Variants in TSC22D3 observed in about 807,000 individuals in gnomAD.
TSC22D3 encodes the protein TSC22 domain family member 3.
A neutral mutation model predicts 11.1 loss-of-function variants in TSC22D3; 4 were observed. The ratio of observed to expected loss-of-function variants is 0.36; its 90% CI spans 0.18 to 0.83. TSC22D3 has a LOEUF of 0.83. TSC22D3 is among the 40% of genes least tolerant of loss of function. The pLI, the probability that TSC22D3 is intolerant of heterozygous loss-of-function variation, is 0.48. For missense variants in TSC22D3, 118 were observed against 159.4 expected, an observed-to-expected ratio of 0.74 and a Z score of 1.40; for synonymous variants, 77 against 70.3, an observed-to-expected ratio of 1.10 and a Z score of -0.48.
chrX:107,743,237 G>T (rs1177955768), intron 1 of TSC22D3, among the ~76,000 whole-genome samples: 1 of 112,151 alleles, frequency 8.9e-6, no homozygotes, highest in African/African-American at 3.2e-5. Flanking sequence ...ACACTGGAAG[G>T]CCTCAAACGT....
At chrX:107,774,953 A>T in intron 1 of TSC22D3, 147 bp downstream of exon 1, 1 of 647,055 alleles carries the variant, frequency 1.5e-6, no homozygotes, top group Non-Finnish European at 2.3e-6. Flanking sequence ...ACTCCAGGCA[A>T]CCTCAAGGTC....
At chrX:107,737,763 G>A (rs1046806104) in intron 1 of TSC22D3, among the ~76,000 whole-genome samples, 2 of 111,769 alleles carry the variant, frequency 1.8e-5, no homozygotes, top group Non-Finnish European at 3.8e-5. Context: ...TTTTCTCAAC[G>A]TGTTTTGTGC....
At chrX:107,757,395 C>T (rs1282232322) in intron 1 of TSC22D3, among the ~76,000 whole-genome samples, 2 of 111,923 alleles carry the variant, frequency 1.8e-5, no homozygotes, top group African/African-American at 6.5e-5. Context: ...AGGAGCTCCA[C>T]CCACCCAGCC....
At chrX:107,762,080 A>G (rs953068307) in intron 1 of TSC22D3, among the ~76,000 whole-genome samples, 3 of 112,137 alleles carry the variant, frequency 2.7e-5, no homozygotes, top group Non-Finnish European at 5.6e-5. Context: ...TTCCTGTGGC[A>G]GGGATCCTGC....
At chrX:107,752,658 T>G (rs1230188476) in intron 1 of TSC22D3, among the ~76,000 whole-genome samples, 2 of 111,377 alleles carry the variant, frequency 1.8e-5, no homozygotes, top group African/African-American at 6.5e-5. Flanking sequence ...GGTTTTGATT[T>G]TTCAGCTGGA....
intron 1 of TSC22D3, among the ~76,000 whole-genome samples, chrX:107,760,963 T>C (rs2147783616): frequency 9.0e-6 from 1 of 111,683 alleles, no homozygotes; most frequent in South Asian, 3.8e-4. Context: ...AGAAGAGGAC[T>C]GGTGAGAGAA....
At chrX:107,769,412 T>A (rs1010574077) in intron 1 of TSC22D3, among the ~76,000 whole-genome samples, 17 of 112,175 alleles carry the variant, frequency 1.5e-4, no homozygotes, top group Non-Finnish European at 2.4e-4. Context: ...ATTCAATTTA[T>A]ATGAAATATC....
intron 1 of TSC22D3, among the ~76,000 whole-genome samples, chrX:107,744,727 A>G (rs1410221666): frequency 8.9e-6 from 1 of 111,748 alleles, no homozygotes; most frequent in East Asian, 2.8e-4. Flanking sequence ...TCCTAAAGCC[A>G]GAGCCCATCA....
At chrX:107,738,319 T>C (rs896596011) in intron 1 of TSC22D3, among the ~76,000 whole-genome samples, 4 of 112,845 alleles carry the variant, frequency 3.5e-5, no homozygotes, top group Non-Finnish European at 5.6e-5. Flanking sequence ...TCCCTACCTC[T>C]TGAATGCATG....
At chrX:107,766,978 C>T (rs1370142725) in intron 1 of TSC22D3, among the ~76,000 whole-genome samples, 1 of 111,017 alleles carries the variant, frequency 9.0e-6, no homozygotes, top group Non-Finnish European at 1.9e-5. Context: ...TAAACGGCAG[C>T]GCTGAAGGAG....
chrX:107,736,048 G>A (rs1928120798), intron 1 of TSC22D3, among the ~76,000 whole-genome samples: 1 of 111,967 alleles, frequency 8.9e-6, no homozygotes, highest in Admixed American at 9.4e-5. Flanking sequence ...TGTAATTCCA[G>A]AGCCTCTGCT....
chrX:107,759,788 G>A (rs890316707), intron 1 of TSC22D3, among the ~76,000 whole-genome samples: 5 of 112,695 alleles, frequency 4.4e-5, no homozygotes, highest in Non-Finnish European at 9.4e-5. Flanking sequence ...TCTTGCCTGC[G>A]TTCTCTCCCT....
chrX:107,751,242 T>C (rs1219315150), intron 1 of TSC22D3, among the ~76,000 whole-genome samples: 1 of 111,923 alleles, frequency 8.9e-6, no homozygotes, highest in African/African-American at 3.3e-5. Context: ...AGACAGTCTT[T>C]GTCCCCTTTC....
intron 1 of TSC22D3, among the ~76,000 whole-genome samples, chrX:107,766,467 A>ACACCC (rs1929663567): frequency 1.9e-5 from 1 of 54,018 alleles, no homozygotes; most frequent in South Asian, 1.4e-3. Flanking sequence ...CCCCCCAACA[A>ACACCC]CTCCCCCCAC....
At position 107,764,654 on chromosome X, in the gene TSC22D3, C is replaced by A. The variant is rs186673595; in HGVS notation, c.320+10446G>T. Among the ~76,000 whole-genome samples the A allele has an allele frequency of 3.5e-3, 394 of 111,465 alleles. 1 individual carries two copies. Among genetic ancestry groups the A allele is most frequent in the African/African-American group, 0.012 (362 of 30,674 alleles). ...CAGGGCCATCAGCAACTTTTTTTTC[C>A]AGAGAGACTTGGGTGGATTATCTAT... On this transcript the variant is annotated intron_variant, in intron 1 of 2. Coordinates refer to ENST00000372383, the MANE Select transcript of TSC22D3 (RefSeq NM_198057.3).
intron 1 of TSC22D3, among the ~76,000 whole-genome samples, chrX:107,760,632 A>G (rs1825863989): frequency 8.9e-6 from 1 of 112,448 alleles, no homozygotes; most frequent in African/African-American, 3.2e-5. Context: ...ACCAACCCTG[A>G]AAAGGGAGGG....
chrX:107,771,631 A>G (rs1391824822), intron 1 of TSC22D3, among the ~76,000 whole-genome samples: 1 of 112,744 alleles, frequency 8.9e-6, no homozygotes, highest in Admixed American at 9.4e-5. Flanking sequence ...TCCATTCCAA[A>G]GAGTTGATGT....
intron 1 of TSC22D3, among the ~76,000 whole-genome samples, chrX:107,727,906 G>A (rs924040558): frequency 9.8e-5 from 11 of 112,166 alleles, no homozygotes; most frequent in African/African-American, 1.6e-4. Flanking sequence ...GTTTTGACCC[G>A]AAGAACCACT....
intron 1 of TSC22D3, 133 bp from the exon 2 acceptor site, chrX:107,716,083 T>C: frequency 4.0e-5 from 30 of 752,522 alleles, no homozygotes; most frequent in Non-Finnish European, 5.5e-5. Context: ...TGGCCCAGAG[T>C]TCCGGACAGT....
Sources: allele counts gnomAD v4.1 joint callset (sites outside exome capture counted in the v4.1 genomes callset), GRCh38; gene constraint gnomAD v4.1.1; transcripts MANE v1.5; gene names NCBI Gene and HGNC (gene_info 2026-07-23, HGNC 2026-07-21).